C16orf74: variants seen among roughly 807,000 people sequenced by gnomAD.
C16orf74 encodes calcimembrin, also known as uncharacterized protein C16orf74.
In C16orf74, 10 loss-of-function variants were observed where a neutral mutation model predicts 6.5. The ratio of observed to expected loss-of-function variants is 1.54; its 90% CI spans 0.95 to 2.61. The LOEUF is 2.61. Among genes scored for constraint, C16orf74 ranks in the 30% most tolerant of loss-of-function variants. The pLI is 0.00. For synonymous variants in C16orf74, 60 were observed against 42.5 expected, an observed-to-expected ratio of 1.41 and a Z score of -1.60; for missense variants, 141 against 105.9, an observed-to-expected ratio of 1.33 and a Z score of -1.45.
At chr16:85,722,078 C>T (rs1186148107) in intron 2 of C16orf74, among the ~76,000 whole-genome samples, 1 of 149,118 alleles carries the variant, frequency 6.7e-6, no homozygotes, top group Non-Finnish European at 1.5e-5. Flanking sequence ...GCTGCCTTGG[C>T]CTGCTAACTC....
At chr16:85,731,077 T>C (rs2054182835) in intron 2 of C16orf74, among the ~76,000 whole-genome samples, 1 of 152,212 alleles carries the variant, frequency 6.6e-6, no homozygotes, top group Non-Finnish European at 1.5e-5. Context: ...CTCTAGATAG[T>C]ATGTCCTTGA....
At chr16:85,731,797 C>T (rs1351622356) in intron 2 of C16orf74, among the ~76,000 whole-genome samples, 1 of 152,134 alleles carries the variant, frequency 6.6e-6, no homozygotes, top group Non-Finnish European at 1.5e-5. Context: ...AAGGGATCCT[C>T]CCACCTCCGC....
chr16:85,749,456 A>C (rs1167626538), intron 1 of C16orf74, among the ~76,000 whole-genome samples: 2 of 151,440 alleles, frequency 1.3e-5, no homozygotes, highest in African/African-American at 4.9e-5. Context: ...CTCATTAAAA[A>C]ATTTTTAGTA....
chr16:85,750,250 T>C (rs188350397), intron 1 of C16orf74, among the ~76,000 whole-genome samples: 3,209 of 152,304 alleles, frequency 0.021, 65 homozygotes, highest in Non-Finnish European at 0.028. Flanking sequence ...TGATTCCATC[T>C]GGGCCCCGCA....
At chr16:85,748,319 G>A (rs1298006262) in intron 1 of C16orf74, among the ~76,000 whole-genome samples, 2 of 152,012 alleles carry the variant, frequency 1.3e-5, no homozygotes, top group Non-Finnish European at 2.9e-5. Flanking sequence ...TATTATCTGG[G>A]CTGGGTGCAG....
At chr16:85,716,907 A>G (rs973774601) in intron 2 of C16orf74, among the ~76,000 whole-genome samples, 1 of 152,136 alleles carries the variant, frequency 6.6e-6, no homozygotes, top group Admixed American at 6.5e-5. Flanking sequence ...CAGAATTGTT[A>G]TTTGTTAATT....
intron 2 of C16orf74, among the ~76,000 whole-genome samples, chr16:85,724,743 A>T (rs2054116524): frequency 1.3e-5 from 2 of 152,194 alleles, no homozygotes; most frequent in South Asian, 4.1e-4. Context: ...GAGGGTCTCC[A>T]TATGGTGCCT....
At chr16:85,714,255 C>A (rs111693892) in intron 2 of C16orf74, among the ~76,000 whole-genome samples, 2 of 152,094 alleles carry the variant, frequency 1.3e-5, no homozygotes, top group South Asian at 2.1e-4. Flanking sequence ...CTGTGCACAG[C>A]CACTCACTTC....
At chr16:85,717,618 G>C (rs1222776773) in intron 2 of C16orf74, among the ~76,000 whole-genome samples, 3 of 152,162 alleles carry the variant, frequency 2.0e-5, no homozygotes, top group African/African-American at 7.2e-5. Flanking sequence ...CCGCCTCTCC[G>C]CTGAGACCAC....
At chr16:85,736,807 A>T (rs2054249685) in intron 1 of C16orf74, among the ~76,000 whole-genome samples, 1 of 152,120 alleles carries the variant, frequency 6.6e-6, no homozygotes, top group Non-Finnish European at 1.5e-5. Flanking sequence ...TAATCCTGAC[A>T]CTTTGGGAGG....
chr16:85,725,149 G>A (rs2054120883), intron 2 of C16orf74, among the ~76,000 whole-genome samples: 1 of 152,172 alleles, frequency 6.6e-6, no homozygotes, highest in African/African-American at 2.4e-5. Flanking sequence ...GAGATCAGAC[G>A]CCATCTGCTC....
chr16:85,716,385 A>AGAGGAGGGAGAAGAGGAAGG (rs957086835), intron 2 of C16orf74, among the ~76,000 whole-genome samples: 4 of 117,092 alleles, frequency 3.4e-5, no homozygotes, highest in Non-Finnish European at 5.4e-5. Flanking sequence ...AGGAGAGAGG[A>AGAGGAGGGAGAAGAGGAAGG]GAGGAGGGAG....
intron 1 of C16orf74, among the ~76,000 whole-genome samples, chr16:85,748,936 T>A (rs200580908): frequency 1.7e-3 from 213 of 122,090 alleles, no homozygotes; most frequent in Admixed American, 3.6e-3. Context: ...TTTTTTTTTT[T>A]TTTTTTTTTT....
At chr16:85,712,793 C>G (rs1000344016) in intron 2 of C16orf74, among the ~76,000 whole-genome samples, 6 of 152,330 alleles carry the variant, frequency 3.9e-5, no homozygotes, top group African/African-American at 1.4e-4. Flanking sequence ...GGTCTCTGTC[C>G]GCGGTTTCTG....
At chr16:85,720,504 A>C (rs937038722) in intron 2 of C16orf74, among the ~76,000 whole-genome samples, 1 of 152,172 alleles carries the variant, frequency 6.6e-6, no homozygotes, top group Non-Finnish European at 1.5e-5. Flanking sequence ...ACAGTGACTC[A>C]TGCCTGTAAT....
intron 1 of C16orf74, among the ~76,000 whole-genome samples, chr16:85,735,756 C>CG (rs397751905): frequency 1.3e-5 from 2 of 151,874 alleles, no homozygotes; most frequent in African/African-American, 2.4e-5. Context: ...TGTGGCCCCC[C>CG]CAGCCCACGG....
chr16:85,738,629 C>T (rs2054270566), intron 1 of C16orf74, among the ~76,000 whole-genome samples: 1 of 151,984 alleles, frequency 6.6e-6, no homozygotes, highest in Non-Finnish European at 1.5e-5. Context: ...CCGCGCCGGG[C>T]CCGGCACTGG....
At chr16:85,716,930 C>T (rs1052045015) in intron 2 of C16orf74, among the ~76,000 whole-genome samples, 5 of 152,198 alleles carry the variant, frequency 3.3e-5, no homozygotes, top group African/African-American at 1.2e-4. Flanking sequence ...GTGCCTGCCT[C>T]GGGCTATTAA....
At position 85,728,919 on chromosome 16, in the gene C16orf74, G is replaced by A. The variant is rs186279050; in HGVS notation, c.28+6271C>T. 8.5e-5 allele frequency among the ~76,000 whole-genome samples: 13 copies of A among 152,308 alleles called. 1 individual carries two copies. Among genetic ancestry groups the A allele is most frequent in the African/African-American group, 2.9e-4 (12 of 41,578 alleles). On this transcript the variant is annotated intron_variant, in intron 2 of 3. Transcript: ENST00000284245. ...GTTACACAGCCACTGGAATCCCCCC[G>A]GAGGATGTGTTGAAAACCCTGAGTT... is the stretch of plus-strand genomic sequence containing the variant.
Sources: allele counts gnomAD v4.1 joint callset (sites outside exome capture counted in the v4.1 genomes callset), GRCh38; gene constraint gnomAD v4.1.1; transcripts MANE v1.5; gene names NCBI Gene and HGNC (gene_info 2026-07-23, HGNC 2026-07-21).